RYR3: variants seen among roughly 807,000 people sequenced by gnomAD.
The protein encoded by RYR3 is brain ryanodine receptor-calcium release channel.
RYR3 carries 207 observed loss-of-function variants against 584.3 expected under a neutral mutation model. That is an observed-to-expected ratio of 0.35 (90% CI 0.32 to 0.40). RYR3 has a LOEUF of 0.40. Among genes scored for constraint, RYR3 ranks in the 10% least tolerant of loss-of-function variants. The pLI is 1.00. For synonymous variants in RYR3, 2,416 were observed against 2,248.5 expected, an observed-to-expected ratio of 1.07 and a Z score of -2.11; for missense variants, 5,616 against 6,089.2, an observed-to-expected ratio of 0.92 and a Z score of 2.59.
intron 69 of RYR3, among the ~76,000 whole-genome samples, chr15:33,805,808 C>T (rs1045498210): frequency 2.6e-5 from 4 of 152,114 alleles, no homozygotes; most frequent in African/African-American, 9.7e-5. Context: ...TTTGTTCTTG[C>T]ACTTCTGCTG....
At chr15:33,821,694 A>G in intron 80 of RYR3, 92 bp downstream of exon 80, 1 of 1,231,658 alleles carries the variant, frequency 8.1e-7, no homozygotes, top group East Asian at 2.4e-5. Context: ...ACTGCTACAG[A>G]GGGGAGCCAC....
At chr15:33,798,950 A>G (rs933526839) in intron 67 of RYR3, among the ~76,000 whole-genome samples, 2 of 152,030 alleles carry the variant, frequency 1.3e-5, no homozygotes, top group African/African-American at 4.8e-5. Flanking sequence ...ACCCACAACA[A>G]TTCATTCTGA....
rs540355667 is a variant in RYR3, at chr15:33,516,366, C to T, written c.279+12628C>T. The stretch of plus-strand genomic sequence containing the variant: ...CTTTTTTTTTTTTTTCCTCCTGAGA[C>T]GGAATCTCACTCCGTCACCCTGGCT... On this transcript the variant is annotated intron_variant, in intron 3 of 103. Coordinates refer to ENST00000634891, the MANE Select transcript of RYR3 (RefSeq NM_001036.6). Among the ~76,000 whole-genome samples, 186 of 149,858 alleles carry T rather than the reference C, an allele frequency of 1.2e-3. 2 individuals are homozygous for T. The highest frequency in any genetic ancestry group is 4.2e-3 in the African/African-American group (170 of 40,752).
chr15:33,498,594 T>C (rs113710117), intron 2 of RYR3, among the ~76,000 whole-genome samples: 2,061 of 152,270 alleles, frequency 0.014, 34 homozygotes, highest in African/African-American at 0.043. Context: ...TAATTCCTTG[T>C]TGGATGAATA....
intron 38 of RYR3, among the ~76,000 whole-genome samples, chr15:33,682,949 C>A (rs192814309): frequency 4.7e-4 from 71 of 152,128 alleles, no homozygotes; most frequent in African/African-American, 1.6e-3. Flanking sequence ...AACCTCTTCA[C>A]CTCAATGTCA....
intron 89 of RYR3, chr15:33,840,546 C>T: frequency 2.2e-6 from 1 of 463,670 alleles, no homozygotes; most frequent in Non-Finnish European, 3.8e-6. Context: ...AGAACCACCG[C>T]CTTGAGGCTC....
At chr15:33,495,175 A>C (rs2142571284) in intron 2 of RYR3, among the ~76,000 whole-genome samples, 1 of 152,308 alleles carries the variant, frequency 6.6e-6, no homozygotes, top group South Asian at 2.1e-4. Flanking sequence ...GATTATTCCA[A>C]AATAGAGAAT....
chr15:33,826,973 C>T (rs960558486), intron 84 of RYR3, among the ~76,000 whole-genome samples: 3 of 152,212 alleles, frequency 2.0e-5, no homozygotes, highest in South Asian at 4.1e-4. Context: ...AATACCCAGC[C>T]CTTTCCATCT....
At chr15:33,653,646 G>A (rs1329110336) in intron 32 of RYR3, among the ~76,000 whole-genome samples, 1 of 150,950 alleles carries the variant, frequency 6.6e-6, no homozygotes, top group Non-Finnish European at 1.5e-5. Context: ...CCCCAGCCTG[G>A]GCAACAAAGC....
chr15:33,801,954 T>A lies in RYR3; in HGVS notation c.10004T>A (p.Met3335Lys). 6.3e-7 allele frequency: 1 copy of A among 1,576,540 alleles called. No homozygotes were observed. Among genetic ancestry groups the A allele is most frequent in the Non-Finnish European group, 8.7e-7 (1 of 1,149,252 alleles). ...TTAACTGGAGACAGCAAAAGCAAGA[T>A]GTCAAAAGTAAGTCCTTAGAAATCA... ...AFLTGDSKSK[M>K]SKAMQVKSGG... is the part of the protein sequence containing the mutation. The change falls in exon 69 of 104, where the codon ATG (methionine) becomes AAG (lysine). Residue 3335 changes from methionine to lysine, a missense_variant. Met to Lys is a moderately conservative substitution (Grantham distance 95). Transcript: ENST00000634891.
intron 103 of RYR3, 72 bp from the exon 104 acceptor site, chr15:33,865,059 G>GAACAAAAAC (rs748400278): frequency 2.0e-5 from 24 of 1,208,206 alleles, no homozygotes; most frequent in Middle Eastern, 2.0e-4. Context: ...GAGCCACAAA[G>GAACAAAAAC]AACAAAAACA....
chr15:33,369,125 C>A (rs1412435890), intron 1 of RYR3, among the ~76,000 whole-genome samples: 2 of 151,618 alleles, frequency 1.3e-5, no homozygotes, highest in Non-Finnish European at 2.9e-5. Flanking sequence ...TCTGTAATCC[C>A]CAGTTTGCAG....
chr15:33,707,018 T>C lies in RYR3; in HGVS notation c.6583T>C (p.Tyr2195His). 12 of 1,614,048 alleles carry C rather than the reference T, an allele frequency of 7.4e-6. No individual in the cohort carries two copies. Among genetic ancestry groups the C allele is most frequent in the Non-Finnish European group, 1.0e-5 (12 of 1,179,918 alleles). ...CTGGAACCCCATTGAAGGGGAACGC[T>C]ACCTGTCCTTCCTGAGGTTTGCTGT... ...VGWNPIEGERYLSFLRFAVFV... is the reference protein window; with the variant it reads ...VGWNPIEGERHLSFLRFAVFV... Residue 2195 changes from tyrosine to histidine, a missense_variant, in exon 43 of 104, where the codon TAC (tyrosine) becomes CAC (histidine). Physicochemically the swap from Tyr to His is moderately conservative, Grantham distance 83 (BLOSUM62 2). Transcript: ENST00000634891.
intron 45 of RYR3, among the ~76,000 whole-genome samples, chr15:33,725,834 G>T (rs1375254652): frequency 6.6e-6 from 1 of 150,838 alleles, no homozygotes; most frequent in African/African-American, 2.4e-5. Flanking sequence ...GCCAGGTGTG[G>T]TGGCGGGCGC....
At chr15:33,533,462 A>G in intron 5 of RYR3, 73 bp downstream of exon 5, 1 of 1,032,504 alleles carries the variant, frequency 9.7e-7, no homozygotes, top group Non-Finnish European at 1.5e-6. Flanking sequence ...AAGGACCCTG[A>G]ATGCGTTACT....
At chr15:33,710,290 G>T (rs931257197) in intron 43 of RYR3, among the ~76,000 whole-genome samples, 1 of 151,746 alleles carries the variant, frequency 6.6e-6, no homozygotes, top group Non-Finnish European at 1.5e-5. Flanking sequence ...GTCACATGGC[G>T]AAAGCAGGAG....
At chr15:33,415,806 C>T (rs1295020981) in intron 1 of RYR3, among the ~76,000 whole-genome samples, 3 of 152,110 alleles carry the variant, frequency 2.0e-5, no homozygotes, top group African/African-American at 4.8e-5. Context: ...ACCCCATCAC[C>T]CACATAGTGA....
chr15:33,488,681 T>TGG (rs2050703858), intron 2 of RYR3, among the ~76,000 whole-genome samples: 5 of 151,890 alleles, frequency 3.3e-5, no homozygotes, highest in Admixed American at 3.3e-4. Flanking sequence ...TGAAACCCCG[T>TGG]CTCTACTAAA....
At chr15:33,464,243 G>A (rs2048266157) in intron 1 of RYR3, among the ~76,000 whole-genome samples, 1 of 151,726 alleles carries the variant, frequency 6.6e-6, no homozygotes, top group Admixed American at 6.6e-5. Context: ...GATCAAGGAA[G>A]GCCTTTCTGA....
Sources: gnomAD v4.1 joint callset for allele counts (sites outside exome capture counted in the v4.1 genomes callset) on GRCh38, gnomAD v4.1.1 for gene constraint, MANE v1.5 for transcripts, NCBI Gene and HGNC (gene_info 2026-07-23, HGNC 2026-07-21) for gene names.